Variants in CHD6 observed in about 807,000 individuals in gnomAD.
CHD6 encodes the protein chromodomain helicase DNA binding protein 6.
A neutral mutation model predicts 276.9 loss-of-function variants in CHD6; 50 were observed. The observed-to-expected ratio is 0.18, with a 90% CI of 0.14 to 0.23. The LOEUF (loss-of-function observed/expected upper bound fraction) is 0.23. Among genes scored for constraint, CHD6 ranks in the 10% least tolerant of loss-of-function variants. CHD6 has a pLI of 1.00. For missense variants in CHD6, 2,564 were observed against 3,365.8 expected (o/e 0.76, Z 5.89); for synonymous variants, 1,173 against 1,229.3 (o/e 0.95, Z 0.96).
At position 41,413,521 on chromosome 20, in the gene CHD6, T is replaced by C. The variant is rs757502045; in HGVS notation, c.6940-6A>G. Reference sequence around the variant, plus strand: ...CCTGGGTCTTCATGGACTTCCTGGATGAAGGAAAAACGAGTATGTATAATC... The same window carrying C: ...CCTGGGTCTTCATGGACTTCCTGGACGAAGGAAAAACGAGTATGTATAATC... On this transcript the variant is annotated splice_polypyrimidine_tract_variant and splice_region_variant and intron_variant, in intron 34 of 36. Coordinates refer to ENST00000373233, the MANE Select transcript of CHD6 (RefSeq NM_032221.5). The C allele has an allele frequency of 1.3e-6, 2 of 1,532,726 alleles. No individual in the cohort carries two copies. The highest frequency in any genetic ancestry group is 2.5e-5 in the South Asian group (2 of 80,628). 94.9% of individuals were successfully genotyped at this position (1,532,726 alleles called of 1,614,324 possible). A position where few individuals can be genotyped will look rare whatever the true frequency, so the allele number is the denominator to read the frequency against.
chr20:41,416,651 T>C lies in CHD6; in HGVS notation c.6423A>G (p.Ser2141=). 6.2e-7 allele frequency: 1 copy of C among 1,614,050 alleles called. No homozygotes were observed. The highest frequency in any genetic ancestry group is 8.5e-7 in the Non-Finnish European group (1 of 1,179,978). ...TSSAGSRTSL[S]EPEAAEHSFS... ...AGCTGTGTTCTGCTGCTTCCGGCTC[T>C]GAGAGGCTGGTTCGAGAACCAGCAC... The change falls in exon 33 of 37, where the codon TCA becomes TCG. Residue 2141 remains serine, a synonymous_variant. Coordinates refer to ENST00000373233, the MANE Select transcript of CHD6 (RefSeq NM_032221.5).
rs2046557745 is a variant in CHD6 at position 41,402,250 on chromosome 20, T to C, written c.*2343A>G. 1 of 221,858 alleles carries C rather than the reference T, an allele frequency of 4.5e-6. No individual in the cohort carries two copies. The highest frequency in any genetic ancestry group is 2.2e-5 in the African/African-American group (1 of 44,744). 13.7% of individuals were successfully genotyped at this position (221,858 alleles called of 1,614,324 possible). ...GAGAGTTTAAATTTGGCTTTTGCTC[T>C]TGGAAACGTCAAAATAATCATAAGA... On this transcript the variant is annotated 3_prime_UTR_variant, in exon 37 of 37. Transcript: ENST00000373233.
Position 41,421,219 on chromosome 20 carries a change from C to T in CHD6, c.5416G>A (p.Glu1806Lys). Residue 1806 changes from glutamate (E) to lysine (K), a missense_variant, in exon 31 of 37, where the codon GAA becomes AAA. Around this residue, in one of 7 missense-constraint regions of CHD6, gnomAD observed 1,024 missense variants for 1,047.9 expected, o/e 0.98. Transcript: ENST00000373233. Reference protein sequence around the residue: ...GQRPENIGQLEAKCLASPSLN... With the variant: ...GQRPENIGQLKAKCLASPSLN... Reference sequence around the variant, plus strand: ...GAAGGGGAAGCTAAACACTTGGCTTCCAGCTGGCCAATGTTTTCAGGTCTC... The same window carrying T: ...GAAGGGGAAGCTAAACACTTGGCTTTCAGCTGGCCAATGTTTTCAGGTCTC... 1 of 1,613,742 alleles carries T rather than the reference C, an allele frequency of 6.2e-7. No individual in the cohort carries two copies. The highest frequency in any genetic ancestry group is 1.1e-5 in the South Asian group (1 of 90,950).
chr20:41,520,535 C>G (rs1387021811), intron 3 of CHD6, among the ~76,000 whole-genome samples: 1 of 151,872 alleles, frequency 6.6e-6, no homozygotes, highest in Non-Finnish European at 1.5e-5. Flanking sequence ...ATGGATGAAG[C>G]TGGAAACCAT....
intron 36 of CHD6, among the ~76,000 whole-genome samples, chr20:41,408,584 G>T (rs959076102): frequency 6.6e-6 from 1 of 152,168 alleles, no homozygotes; most frequent in African/African-American, 2.4e-5. Flanking sequence ...TGCTGGCATG[G>T]CACCACAGCC....
chr20:41,445,231 T>C (rs1288160612), intron 25 of CHD6, among the ~76,000 whole-genome samples: 1 of 152,238 alleles, frequency 6.6e-6, no homozygotes, highest in Admixed American at 6.5e-5. Context: ...GGGTAAAAGA[T>C]ACACACTAGG....
intron 31 of CHD6, among the ~76,000 whole-genome samples, chr20:41,417,889 A>C (rs573027741): frequency 1.3e-5 from 2 of 152,252 alleles, no homozygotes; most frequent in Non-Finnish European, 2.9e-5. Flanking sequence ...AAAGAAATGG[A>C]CATGTAACTT....
chr20:41,595,419 A>G (rs1293546737), intron 1 of CHD6, among the ~76,000 whole-genome samples: 2 of 152,158 alleles, frequency 1.3e-5, no homozygotes, highest in Non-Finnish European at 2.9e-5. Context: ...CAACCCACCA[A>G]TGCTAAGAGG....
chr20:41,445,562 G>A (rs2048039220), intron 25 of CHD6, 103 bp downstream of exon 25: 1 of 688,468 alleles, frequency 1.5e-6, no homozygotes, highest in Non-Finnish European at 2.6e-6. Context: ...GTAACAGAAT[G>A]ATAGAGTTTT....
chr20:41,522,562 C>T (rs931111441), intron 3 of CHD6, among the ~76,000 whole-genome samples: 2 of 152,032 alleles, frequency 1.3e-5, no homozygotes, highest in African/African-American at 4.8e-5. Context: ...AGAATAAGAA[C>T]TTAGGAAAGA....
chr20:41,430,152 T>C (rs2047490653), intron 27 of CHD6, among the ~76,000 whole-genome samples: 1 of 152,212 alleles, frequency 6.6e-6, no homozygotes, highest in South Asian at 2.1e-4. Context: ...GGTTTTAGCA[T>C]GCAGACTAGA....
intron 2 of CHD6, among the ~76,000 whole-genome samples, chr20:41,535,544 G>A (rs1285134907): frequency 3.3e-5 from 5 of 152,024 alleles, no homozygotes; most frequent in African/African-American, 1.2e-4. Context: ...CATGAGACCA[G>A]CATGATGGAA....
intron 10 of CHD6, among the ~76,000 whole-genome samples, chr20:41,493,110 T>A (rs1310294598): frequency 6.6e-6 from 1 of 152,040 alleles, no homozygotes; most frequent in South Asian, 2.1e-4. Flanking sequence ...GATCTGCAGA[T>A]AAAGGACAGT....
In CHD6 at chr20:41,493,774, T is replaced by C; in HGVS notation, c.1179+84A>G. The C allele has an allele frequency of 2.6e-6, 4 of 1,556,890 alleles. No homozygotes were observed. The South Asian group carries it at 3.4e-5, about 13-fold the overall frequency. On this transcript the variant is annotated intron_variant, in intron 9 of 36. Coordinates refer to ENST00000373233, the MANE Select transcript of CHD6 (RefSeq NM_032221.5). ...ACCACCCTACGTGACTAGACAGGAA[T>C]ACCACTAAGACAAGGGTCACATGTT...
At chr20:41,595,799 CT>C (rs903277910) in intron 1 of CHD6, among the ~76,000 whole-genome samples, 35 of 146,110 alleles carry the variant, frequency 2.4e-4, no homozygotes, top group Middle Eastern at 3.6e-3. Context: ...CCTCAGTTTG[CT>C]TTTTTTTTTG....
intron 2 of CHD6, among the ~76,000 whole-genome samples, chr20:41,550,557 A>G (rs1484416542): frequency 6.6e-6 from 1 of 152,186 alleles, no homozygotes; most frequent in Non-Finnish European, 1.5e-5. Context: ...AGGAGTGGCT[A>G]GTCTCACCCA....
At chr20:41,580,903 G>A (rs532123082) in intron 1 of CHD6, among the ~76,000 whole-genome samples, 4 of 152,090 alleles carry the variant, frequency 2.6e-5, no homozygotes, top group Non-Finnish European at 5.9e-5. Context: ...TGTTCCTAAG[G>A]TAAGACAGAA....
At chr20:41,586,950 G>T (rs945822206) in intron 1 of CHD6, among the ~76,000 whole-genome samples, 2 of 152,160 alleles carry the variant, frequency 1.3e-5, no homozygotes, top group Non-Finnish European at 2.9e-5. Flanking sequence ...ATCATGTGAG[G>T]AGGAGGAATC....
rs779803358 is a variant in CHD6, at chr20:41,611,941, C to A, written c.-24+6399G>T. Among the ~76,000 whole-genome samples, 81 of 152,246 alleles carry A rather than the reference C, an allele frequency of 5.3e-4. 1 individual carries two copies. The Middle Eastern group carries it at 0.01, about 19-fold the overall frequency. On this transcript the variant is annotated intron_variant, in intron 1 of 36. Transcript: ENST00000373233. ...GTGTGAGCCACCGCACCTGGCAAAA[C>A]TTGCATTTCTAACATGCTCCAAAGT...
Sources: allele counts gnomAD v4.1 joint callset (sites outside exome capture counted in the v4.1 genomes callset), GRCh38; gene constraint gnomAD v4.1.1; regional missense constraint gnomAD v4.1.1; transcripts MANE v1.5; gene names NCBI Gene and HGNC (gene_info 2026-07-23, HGNC 2026-07-21).